Variants in PCDH15 observed in about 807,000 individuals in gnomAD.
PCDH15 encodes the protein protocadherin-15.
PCDH15 carries 129 observed loss-of-function variants against 178.5 expected under a neutral mutation model. That is an observed-to-expected ratio of 0.72 (90% CI 0.63 to 0.84). PCDH15 has a LOEUF of 0.84. Ranked by LOEUF, PCDH15 falls within the 40% of genes least tolerant of loss-of-function variation. The pLI, the probability that PCDH15 is intolerant of heterozygous loss-of-function variation, is 0.00. For synonymous variants in PCDH15, 800 were observed against 732.0 expected (o/e 1.09, Z -1.50); for missense variants, 2,230 against 2,099.9 (o/e 1.06, Z -1.21).
chr10:54,870,074 T>A (rs1954009416), intron 3 of PCDH15, among the ~76,000 whole-genome samples: 1 of 152,206 alleles, frequency 6.6e-6, no homozygotes, highest in South Asian at 2.1e-4. Context: ...TTTCCTGACC[T>A]GTTTGTCTAT....
intron 2 of PCDH15, among the ~76,000 whole-genome samples, chr10:54,908,373 G>C (rs1302204544): frequency 6.6e-6 from 1 of 152,152 alleles, no homozygotes; most frequent in African/African-American, 2.4e-5. Context: ...ACAGGTGATA[G>C]TGGGGTTTGC....
chr10:54,606,643 G>A (rs2092754308), intron 2 of PCDH15: 1 of 152,114 alleles, frequency 6.6e-6, no homozygotes, highest in South Asian at 2.1e-4. Context: ...TTCGGATGCA[G>A]GCTAGAAAAA....
At chr10:54,777,677 C>T (rs1318712605) in intron 1 of PCDH15, among the ~76,000 whole-genome samples, 1 of 151,908 alleles carries the variant, frequency 6.6e-6, no homozygotes, top group Non-Finnish European at 1.5e-5. Flanking sequence ...TAGTACTGTA[C>T]ATTTCCATAT....
chr10:54,049,900 T>C (rs2135601998), intron 18 of PCDH15, among the ~76,000 whole-genome samples: 1 of 152,336 alleles, frequency 6.6e-6, no homozygotes, highest in South Asian at 2.1e-4. Flanking sequence ...ATTACAGGTG[T>C]GAGCCATGGT....
chr10:55,231,825 A>G (rs915339641), intron 1 of PCDH15, among the ~76,000 whole-genome samples: 1 of 151,982 alleles, frequency 6.6e-6, no homozygotes, highest in Non-Finnish European at 1.5e-5. Flanking sequence ...TACATATCAA[A>G]AATAATTTAT....
chr10:54,389,359 G>A (rs1243465239), intron 3 of PCDH15, among the ~76,000 whole-genome samples: 2 of 152,046 alleles, frequency 1.3e-5, no homozygotes, highest in Non-Finnish European at 2.9e-5. Context: ...CTAAAATAGG[G>A]CTTCTCAATT....
At chr10:54,689,448 T>A (rs918020191) in intron 1 of PCDH15, among the ~76,000 whole-genome samples, 3 of 152,088 alleles carry the variant, frequency 2.0e-5, no homozygotes, top group Non-Finnish European at 4.4e-5. Context: ...TTATATAAAA[T>A]GGTAGAAAAA....
At chr10:54,555,679 T>C (rs72792553) in intron 2 of PCDH15, among the ~76,000 whole-genome samples, 8,772 of 145,666 alleles carry the variant, frequency 0.06, 582 homozygotes, top group East Asian at 0.32. Context: ...AGAGGTTGCA[T>C]TGAACTGAGA....
intron 2 of PCDH15, among the ~76,000 whole-genome samples, chr10:55,085,292 G>C (rs1020701316): frequency 6.6e-6 from 1 of 151,966 alleles, no homozygotes; most frequent in Non-Finnish European, 1.5e-5. Context: ...TCACTCATTT[G>C]TGGGAGCTAA....
At chr10:55,496,216 T>A (rs990765577) in intron 2 of PCDH15, among the ~76,000 whole-genome samples, 29 of 151,818 alleles carry the variant, frequency 1.9e-4, no homozygotes, top group African/African-American at 2.4e-5. Context: ...CACAGATTTC[T>A]CAGCAGAAAT....
intron 2 of PCDH15, among the ~76,000 whole-genome samples, chr10:54,540,943 C>A (rs549408429): frequency 6.6e-6 from 1 of 152,144 alleles, no homozygotes; most frequent in Non-Finnish European, 1.5e-5. Flanking sequence ...AAAAAGCTTT[C>A]AATAAAATCC....
chr10:54,013,915 C>T (rs1055190284), intron 20 of PCDH15, among the ~76,000 whole-genome samples: 1 of 151,208 alleles, frequency 6.6e-6, no homozygotes, highest in Non-Finnish European at 1.5e-5. Flanking sequence ...CAGAGCTCAA[C>T]TGAAGGAAAT....
At chr10:54,316,277 T>A (rs1050971601) in intron 8 of PCDH15, among the ~76,000 whole-genome samples, 1 of 152,020 alleles carries the variant, frequency 6.6e-6, no homozygotes, top group African/African-American at 2.4e-5. Flanking sequence ...TATTATAACA[T>A]TGGATAAGCA....
chr10:53,929,483 A>G (rs931167525), intron 25 of PCDH15, among the ~76,000 whole-genome samples: 1 of 152,186 alleles, frequency 6.6e-6, no homozygotes, highest in Admixed American at 6.5e-5. Flanking sequence ...TATTTGTACT[A>G]TAAATATAAG....
chr10:54,398,627 C>T (rs10763106), intron 3 of PCDH15, among the ~76,000 whole-genome samples: 109,312 of 151,722 alleles, frequency 0.72, 41,939 homozygotes, highest in East Asian at 0.96. Flanking sequence ...TTCAAAAATG[C>T]CCCCCAACAT....
intron 2 of PCDH15, among the ~76,000 whole-genome samples, chr10:54,610,364 C>A (rs115384060): frequency 5.8e-4 from 88 of 151,994 alleles, no homozygotes; most frequent in African/African-American, 2.0e-3. Context: ...AGTTTAGCCA[C>A]ATTATCTCAT....
At chr10:55,606,677 G>T (rs1476581073) in intron 2 of PCDH15, among the ~76,000 whole-genome samples, 1 of 147,556 alleles carries the variant, frequency 6.8e-6, no homozygotes, top group South Asian at 2.2e-4. Context: ...ATGGTGCTGG[G>T]AAAACTGGCT....
intron 2 of PCDH15, among the ~76,000 whole-genome samples, chr10:55,056,295 G>A (rs1169049897): frequency 6.6e-6 from 1 of 152,046 alleles, no homozygotes; most frequent in Non-Finnish European, 1.5e-5. Flanking sequence ...CCATTTGTCT[G>A]ATTTCATCTC....
intron 2 of PCDH15, among the ~76,000 whole-genome samples, chr10:55,365,201 T>C (rs1845326481): frequency 6.6e-6 from 1 of 152,162 alleles, no homozygotes. Context: ...TGGCCCACCA[T>C]GCACCCCAGG....
Sources: allele counts gnomAD v4.1 joint callset (sites outside exome capture counted in the v4.1 genomes callset), GRCh38; gene constraint gnomAD v4.1.1; transcripts MANE v1.5; gene names NCBI Gene and HGNC (gene_info 2026-07-23, HGNC 2026-07-21).